HNF4G: variants seen among roughly 807,000 people sequenced by gnomAD.
HNF4G encodes the protein hepatocyte nuclear factor 4 gamma, also known as hepatocyte nuclear factor 4-gamma.
A neutral mutation model predicts 50.9 loss-of-function variants in HNF4G; 21 were observed. The observed-to-expected ratio is 0.41, with a 90% CI of 0.29 to 0.59. The LOEUF (loss-of-function observed/expected upper bound fraction) is 0.59, where lower values mean the gene tolerates loss of function less well. Among genes scored for constraint, HNF4G ranks in the 20% least tolerant of loss-of-function variants. The pLI is 0.26. For missense variants in HNF4G, 527 were observed against 559.4 expected, an observed-to-expected ratio of 0.94 and a Z score of 0.58; for synonymous variants, 198 against 185.6, an observed-to-expected ratio of 1.07 and a Z score of -0.54.
chr8:75,548,292 A>C (rs1186693087), intron 3 of HNF4G, among the ~76,000 whole-genome samples: 1 of 152,036 alleles, frequency 6.6e-6, no homozygotes, highest in Non-Finnish European at 1.5e-5. Flanking sequence ...ACACAAATGT[A>C]TTTTTTGTTG....
intron 6 of HNF4G, among the ~76,000 whole-genome samples, chr8:75,556,467 TG>T (rs918154652): frequency 3.3e-5 from 5 of 152,166 alleles, no homozygotes; most frequent in Admixed American, 3.3e-4. Context: ...TTACGTCCTA[TG>T]ATCTTATTGC....
rs1811634815 is a variant in HNF4G at position 75,453,445 on chromosome 8, G to C, written c.-143-36644G>C. Among the ~76,000 whole-genome samples, 4 of 152,282 alleles carry C rather than the reference G, an allele frequency of 2.6e-5. No homozygotes were observed. The South Asian group carries it at 6.2e-4, about 24-fold the overall frequency. Reference sequence around the variant, plus strand: ...GGAACGATCAGCACTCTGTTAAATGGACCAATCAGCAGGACATGGGTGGGG... The same window carrying C: ...GGAACGATCAGCACTCTGTTAAATGCACCAATCAGCAGGACATGGGTGGGG... On this transcript the variant is annotated intron_variant, in intron 1 of 10. Transcript: ENST00000354370.
intron 6 of HNF4G, among the ~76,000 whole-genome samples, chr8:75,557,716 A>G (rs953935199): frequency 1.3e-5 from 2 of 152,194 alleles, no homozygotes; most frequent in Non-Finnish European, 2.9e-5. Context: ...AAAAAGAGTG[A>G]GGCTACCATT....
chr8:75,414,022 T>G (rs1369687891), intron 1 of HNF4G, among the ~76,000 whole-genome samples: 1 of 152,176 alleles, frequency 6.6e-6, no homozygotes, highest in Non-Finnish European at 1.5e-5. Flanking sequence ...TTTATTGAGA[T>G]ATAATTTGCA....
rs1263544660 is a variant in HNF4G, at chr8:75,565,647, A to C, written c.*1551A>C. On this transcript the variant is annotated 3_prime_UTR_variant, in exon 10 of 10. Transcript: ENST00000396423. Reference sequence around the variant, plus strand: ...GGAAAATTGGAAAAACTGGTCGAGTAATTATCAATAATTTTTTTTAAAAAG... The same window carrying C: ...GGAAAATTGGAAAAACTGGTCGAGTCATTATCAATAATTTTTTTTAAAAAG... 2 of 152,164 alleles carry C rather than the reference A, an allele frequency of 1.3e-5. No homozygotes were observed. Among genetic ancestry groups the C allele is most frequent in the Admixed American group, 6.6e-5 (1 of 15,262 alleles). The allele number at this position is 152,164 out of a possible 1,614,324, so 9.4% of individuals were successfully genotyped here.
chr8:75,543,055 A>C (rs1806674987), intron 1 of HNF4G, among the ~76,000 whole-genome samples: 1 of 152,040 alleles, frequency 6.6e-6, no homozygotes, highest in Non-Finnish European at 1.5e-5. Flanking sequence ...AAAAATACAA[A>C]AATAAGCCTG....
At chr8:75,466,591 TCC>T (rs1811981755) in intron 1 of HNF4G, among the ~76,000 whole-genome samples, 1 of 110,286 alleles carries the variant, frequency 9.1e-6, no homozygotes, top group Admixed American at 9.1e-5. Context: ...CTTCCTTCCT[TCC>T]TTCCTTCCTT....
In HNF4G at chr8:75,423,594, G is replaced by A. The variant is rs914499859; in HGVS notation, c.-144+15432G>A. Reference sequence around the variant, plus strand: ...TTTAGTAGAGACGGGGTTTCACCTTGTTAGCCAGGATGGTCTTGATCTCCC... The same window carrying A: ...TTTAGTAGAGACGGGGTTTCACCTTATTAGCCAGGATGGTCTTGATCTCCC... On this transcript the variant is annotated intron_variant, in intron 1 of 10. Transcript: ENST00000354370. Among the ~76,000 whole-genome samples the A allele has an allele frequency of 5.3e-5, 8 of 151,720 alleles. No individual in the cohort carries two copies. The South Asian group carries it at 1.5e-3, about 28-fold the overall frequency.
At chr8:75,529,462 A>G (rs983777514) in intron 2 of HNF4G, among the ~76,000 whole-genome samples, 1 of 152,160 alleles carries the variant, frequency 6.6e-6, no homozygotes, top group African/African-American at 2.4e-5. Flanking sequence ...GTAGGCAAAA[A>G]AAATGGGATA....
At chr8:75,531,406 G>C (rs1205512011) in intron 2 of HNF4G, among the ~76,000 whole-genome samples, 1 of 151,994 alleles carries the variant, frequency 6.6e-6, no homozygotes, top group Non-Finnish European at 1.5e-5. Flanking sequence ...GGTTAGAATT[G>C]ATAAAAATTA....
At chr8:75,495,042 G>T (rs929373201) in intron 2 of HNF4G, among the ~76,000 whole-genome samples, 5 of 152,082 alleles carry the variant, frequency 3.3e-5, no homozygotes, top group Non-Finnish European at 7.4e-5. Flanking sequence ...ACAAAACACT[G>T]AAGACAGAAT....
chr8:75,508,875 T>G (rs1021282202), intron 2 of HNF4G, among the ~76,000 whole-genome samples: 1 of 152,176 alleles, frequency 6.6e-6, no homozygotes, highest in Non-Finnish European at 1.5e-5. Flanking sequence ...TTATGCTCTA[T>G]CCTAAGAGCA....
chr8:75,510,595 A>T (rs1805725749), intron 2 of HNF4G, among the ~76,000 whole-genome samples: 1 of 152,168 alleles, frequency 6.6e-6, no homozygotes, highest in Non-Finnish European at 1.5e-5. Flanking sequence ...ACAAAAGGTT[A>T]CCATTGTGTT....
intron 2 of HNF4G, among the ~76,000 whole-genome samples, chr8:75,514,170 T>C (rs550407852): frequency 6.6e-6 from 1 of 151,970 alleles, no homozygotes; most frequent in South Asian, 2.1e-4. Flanking sequence ...TTACTTTCCA[T>C]TGTAGTATTT....
chr8:75,538,781 G>T (rs989073623), upstream of HNF4G, among the ~76,000 whole-genome samples: 1 of 152,110 alleles, frequency 6.6e-6, no homozygotes, highest in East Asian at 1.9e-4. Flanking sequence ...CTGCTAAATT[G>T]ACTCTAAGCT....
chr8:75,410,861 A>G (rs563469555), intron 1 of HNF4G, among the ~76,000 whole-genome samples: 1 of 152,312 alleles, frequency 6.6e-6, no homozygotes, highest in African/African-American at 2.4e-5. Flanking sequence ...ACACTCATAT[A>G]GAGACATAAG....
At chr8:75,478,444 C>T (rs1314593638) in intron 1 of HNF4G, among the ~76,000 whole-genome samples, 1 of 152,114 alleles carries the variant, frequency 6.6e-6, no homozygotes. Context: ...GTTTTTTGTA[C>T]AGCGGATTTT....
chr8:75,449,716 C>A (rs962207485), intron 1 of HNF4G, among the ~76,000 whole-genome samples: 2 of 151,826 alleles, frequency 1.3e-5, no homozygotes, highest in South Asian at 2.1e-4. Flanking sequence ...ACCGTGTTAG[C>A]CCGGATGGTC....
At chr8:75,444,486 G>A (rs28780378) in intron 1 of HNF4G, among the ~76,000 whole-genome samples, 4,228 of 123,946 alleles carry the variant, frequency 0.034, 195 homozygotes, top group African/African-American at 0.13. Context: ...AGACTGGCAA[G>A]TTGGATAAAG....
Sources: allele counts gnomAD v4.1 joint callset (sites outside exome capture counted in the v4.1 genomes callset), GRCh38; gene constraint gnomAD v4.1.1; transcripts MANE v1.5; gene names NCBI Gene and HGNC (gene_info 2026-07-23, HGNC 2026-07-21).